The following FILIP1L variants were observed in gnomAD, a reference collection of about 807,000 sequenced individuals.
FILIP1L encodes the protein filamin A-interacting protein 1-like.
In FILIP1L, 55 loss-of-function variants were observed where a neutral mutation model predicts 96.6. The ratio of observed to expected loss-of-function variants is 0.57; its 90% CI spans 0.46 to 0.71. The LOEUF (loss-of-function observed/expected upper bound fraction) is 0.71, where lower values mean the gene tolerates loss of function less well. Among genes scored for constraint, FILIP1L ranks in the 30% least tolerant of loss-of-function variants. The probability of loss-of-function intolerance (pLI) is 0.00; values close to 1 mark genes in which losing one functional copy is unlikely to be tolerated. For missense variants in FILIP1L, 1,304 were observed against 1,321.2 expected, an observed-to-expected ratio of 0.99 and a Z score of 0.20; for synonymous variants, 467 against 473.9, an observed-to-expected ratio of 0.99 and a Z score of 0.19.
intron 1 of FILIP1L, among the ~76,000 whole-genome samples, chr3:99,959,790 G>A (rs1708440161): frequency 6.6e-6 from 1 of 152,174 alleles, no homozygotes; most frequent in East Asian, 1.9e-4. Flanking sequence ...AACAATTAAA[G>A]GAAGGGATTG....
chr3:99,918,282 T>G (rs1278131532), intron 4 of FILIP1L, among the ~76,000 whole-genome samples: 6 of 152,238 alleles, frequency 3.9e-5, no homozygotes, highest in East Asian at 1.9e-4. Flanking sequence ...AGCCCCTTGT[T>G]TTATATACCA....
intron 4 of FILIP1L, chr3:99,874,344 C>T (rs1045087202): frequency 1.3e-5 from 2 of 152,118 alleles, no homozygotes; most frequent in Admixed American, 6.5e-5. Context: ...TTCAGAAGAG[C>T]AGAATATCTT....
intron 1 of FILIP1L, among the ~76,000 whole-genome samples, chr3:99,970,398 A>C (rs1239801173): frequency 6.6e-6 from 1 of 152,226 alleles, no homozygotes; most frequent in East Asian, 1.9e-4. Context: ...AATAACTGAG[A>C]TAAATGCTGT....
rs1559686863 is a variant in FILIP1L, at chr3:99,916,455, CACA to C, written c.605+7772_605+7774del. On this transcript the variant is annotated intron_variant, in intron 4 of 5. Transcript: ENST00000477258. ...CGGTTTATACACACACACACACACA[CACA>C]CACACACACACACACACACACACAC... is the stretch of plus-strand genomic sequence containing the variant. Among the ~76,000 whole-genome samples, 1,065 of 151,088 alleles carry C rather than the reference CACA, an allele frequency of 7.0e-3. 19 individuals carry two copies. The highest frequency in any genetic ancestry group is 0.024 in the African/African-American group (981 of 41,138).
chr3:99,993,203 A>T (rs1005815671), intron 1 of FILIP1L, among the ~76,000 whole-genome samples: 1 of 152,162 alleles, frequency 6.6e-6, no homozygotes, highest in East Asian at 1.9e-4. Context: ...GAAAAATGAC[A>T]TTGGTGATCT....
At chr3:99,872,320 T>TGTGTGTGTGTGTGA in intron 4 of FILIP1L, among the ~76,000 whole-genome samples, 1 of 143,158 alleles carries the variant, frequency 7.0e-6, no homozygotes, top group Non-Finnish European at 1.5e-5. Flanking sequence ...TGTGTGTGTG[T>TGTGTGTGTGTGTGA]GTGACTGTGG....
At chr3:99,941,360 T>C (rs1707845936) in intron 1 of FILIP1L, among the ~76,000 whole-genome samples, 1 of 152,214 alleles carries the variant, frequency 6.6e-6, no homozygotes, top group Admixed American at 6.5e-5. Context: ...ACAAAGTGTT[T>C]TGGAAGGATT....
chr3:100,077,958 C>T (rs1416662625), intron 1 of FILIP1L, among the ~76,000 whole-genome samples: 1 of 152,048 alleles, frequency 6.6e-6, no homozygotes, highest in East Asian at 1.9e-4. Context: ...TTAGGACACC[C>T]AGTTTCACTT....
At chr3:100,019,885 G>A (rs570954415) in intron 1 of FILIP1L, among the ~76,000 whole-genome samples, 1 of 152,196 alleles carries the variant, frequency 6.6e-6, no homozygotes, top group South Asian at 2.1e-4. Flanking sequence ...GAAAGCTACA[G>A]TGACTCTTTT....
chr3:100,024,611 C>T (rs966386767), intron 1 of FILIP1L, among the ~76,000 whole-genome samples: 12 of 152,138 alleles, frequency 7.9e-5, no homozygotes, highest in African/African-American at 2.9e-4. Flanking sequence ...ATCCAACAGG[C>T]ATAGGCAGGT....
chr3:99,840,300 T>C (rs953211249), intron 5 of FILIP1L, among the ~76,000 whole-genome samples: 2 of 139,128 alleles, frequency 1.4e-5, no homozygotes, highest in Non-Finnish European at 3.0e-5. Flanking sequence ...CTCAGATCAC[T>C]GCAACCTCTG....
At chr3:99,884,473 A>C (rs1333353072) in intron 4 of FILIP1L, among the ~76,000 whole-genome samples, 1 of 152,204 alleles carries the variant, frequency 6.6e-6, no homozygotes, top group Non-Finnish European at 1.5e-5. Flanking sequence ...AAGAAGTTCC[A>C]GGGAGTGGAA....
At chr3:100,084,282 C>T (rs2065973293) in intron 1 of FILIP1L, among the ~76,000 whole-genome samples, 1 of 152,128 alleles carries the variant, frequency 6.6e-6, no homozygotes, top group African/African-American at 2.4e-5. Context: ...CTCCTACCTG[C>T]TATTTTTCAC....
At chr3:99,941,344 C>T (rs1707845114) in intron 1 of FILIP1L, among the ~76,000 whole-genome samples, 2 of 152,232 alleles carry the variant, frequency 1.3e-5, no homozygotes, top group South Asian at 4.2e-4. Context: ...AAATAATGTT[C>T]AATGCACAAA....
At chr3:99,934,002 G>C (rs1327402683) in intron 1 of FILIP1L, among the ~76,000 whole-genome samples, 1 of 152,162 alleles carries the variant, frequency 6.6e-6, no homozygotes, top group Non-Finnish European at 1.5e-5. Flanking sequence ...GTCTAAGACG[G>C]GCTCTCACGT....
At chr3:99,919,279 C>T (rs927862823) in intron 4 of FILIP1L, among the ~76,000 whole-genome samples, 1 of 151,478 alleles carries the variant, frequency 6.6e-6, no homozygotes, top group South Asian at 2.1e-4. Flanking sequence ...GCCTTTTTTT[C>T]TACCCGTCAT....
chr3:99,920,987 A>G (rs1707106921), intron 4 of FILIP1L, among the ~76,000 whole-genome samples: 2 of 152,078 alleles, frequency 1.3e-5, no homozygotes, highest in African/African-American at 2.4e-5. Context: ...CTTTGTATCT[A>G]TTTTCAACCA....
intron 4 of FILIP1L, among the ~76,000 whole-genome samples, chr3:99,864,771 T>G (rs1944429901): frequency 6.6e-6 from 1 of 152,100 alleles, no homozygotes; most frequent in South Asian, 2.1e-4. Context: ...TGTGCTTTTG[T>G]GCTCGCTGTC....
At position 99,850,395 on chromosome 3, in the gene FILIP1L, C is replaced by T. The variant is rs1322684462; in HGVS notation, c.1281G>A (p.Leu427=). The change falls in exon 5 of 6, where the codon CTG becomes CTA. Residue 427 remains leucine (L), a synonymous_variant. Transcript: ENST00000477258. ...TGTTGAAAGCGTCTTCTAACTTTTC[C>T]AGAGCCATAATTCTTTTACTGAGTT... ...VEKLSKRIMA[L]EKLEDAFNKS... 2 of 1,613,568 alleles carry T rather than the reference C, an allele frequency of 1.2e-6. No homozygotes were observed. The highest frequency in any genetic ancestry group is 2.2e-5 in the East Asian group (1 of 44,876).
Sources: gnomAD v4.1 joint callset for allele counts (sites outside exome capture counted in the v4.1 genomes callset) on GRCh38, gnomAD v4.1.1 for gene constraint, MANE v1.5 for transcripts, NCBI Gene and HGNC (gene_info 2026-07-23, HGNC 2026-07-21) for gene names.